The following KDM6A variants were observed in gnomAD, a reference collection of about 807,000 sequenced individuals.
KDM6A encodes lysine demethylase 6A.
Under a neutral mutation model 117.6 loss-of-function variants are expected in KDM6A, and 11 were observed. The ratio of observed to expected loss-of-function variants is 0.09; its 90% confidence interval spans 0.06 to 0.15. The LOEUF is 0.15. KDM6A is among the 10% of genes least tolerant of loss of function. The probability of loss-of-function intolerance (pLI) is 1.00; values close to 1 mark genes in which losing one functional copy is unlikely to be tolerated. For missense variants in KDM6A, 799 were observed against 1,077.3 expected (o/e 0.74, Z 3.62); for synonymous variants, 384 against 396.1 (o/e 0.97, Z 0.36).
At chrX:45,001,154 A>C (rs1327847815) in intron 4 of KDM6A, among the ~76,000 whole-genome samples, 3 of 111,894 alleles carry the variant, frequency 2.7e-5, no homozygotes, top group Non-Finnish European at 5.6e-5. Context: ...GGGATCAAAG[A>C]AACTCATTTT....
At chrX:44,922,207 C>G (rs779251386) in intron 2 of KDM6A, among the ~76,000 whole-genome samples, 1 of 104,454 alleles carries the variant, frequency 9.6e-6, no homozygotes, top group South Asian at 4.6e-4. Flanking sequence ...CCATGCCCGG[C>G]TAATTTTTGT....
At chrX:45,077,228 G>A (rs2045169480) in intron 19 of KDM6A, among the ~76,000 whole-genome samples, 1 of 109,955 alleles carries the variant, frequency 9.1e-6, no homozygotes, top group African/African-American at 3.3e-5. Context: ...ATAAGTGTTT[G>A]AGAACATAAG....
chrX:44,981,699 G>T (rs763221946), intron 4 of KDM6A, among the ~76,000 whole-genome samples: 1 of 111,279 alleles, frequency 9.0e-6, no homozygotes, highest in Admixed American at 9.6e-5. Flanking sequence ...GCTACATAGG[G>T]GGCTGCCTGC....
rs768230128 is a variant in KDM6A at position 45,075,908 on chromosome X, G to A, written c.2859-789G>A. ...TTGCTTTTGAACTTGTAATAATTCG[G>A]TGGGGTAAGTTAGTTAAACTGGAGT... On this transcript the variant is annotated intron_variant, in intron 18 of 29. Coordinates refer to ENST00000611820, the MANE Select transcript of KDM6A (RefSeq NM_001291415.2). Among the ~76,000 whole-genome samples the A allele has an allele frequency of 3.6e-5, 4 of 111,057 alleles. No individual in the cohort carries two copies. In the East Asian group the frequency reaches 1.1e-3, roughly 31 times the overall value.
intron 2 of KDM6A, among the ~76,000 whole-genome samples, chrX:44,921,840 G>T (rs1381549723): frequency 9.3e-6 from 1 of 107,437 alleles, no homozygotes; most frequent in Non-Finnish European, 1.9e-5. Flanking sequence ...GTAATTGCTG[G>T]GTTGTATGGT....
chrX:44,970,589 C>T (rs1028886590), intron 3 of KDM6A, among the ~76,000 whole-genome samples: 1 of 110,666 alleles, frequency 9.0e-6, no homozygotes, highest in Admixed American at 9.6e-5. Context: ...GAAAGTATGC[C>T]CTCCAAATTT....
At chrX:44,953,687 CT>C (rs1365164615) in intron 2 of KDM6A, among the ~76,000 whole-genome samples, 2 of 111,367 alleles carry the variant, frequency 1.8e-5, no homozygotes, top group African/African-American at 6.5e-5. Flanking sequence ...GTATATATGC[CT>C]TTTTGAAGTG....
At chrX:44,973,478 C>T (rs2039461195) in intron 3 of KDM6A, among the ~76,000 whole-genome samples, 1 of 111,691 alleles carries the variant, frequency 9.0e-6, no homozygotes. Context: ...TCAGAAAATA[C>T]CTTTATTCTA....
chrX:44,873,587 CGCT>C lies in KDM6A; in HGVS notation c.39_41del (p.Ala17del). The C allele has an allele frequency of 2.5e-6, 3 of 1,206,658 alleles. No homozygotes were observed. The highest frequency in any genetic ancestry group is 2.2e-6 in the Non-Finnish European group (2 of 893,737). The stretch of plus-strand genomic sequence containing the variant: ...GCGGAGTGTCGCTCGCTACCGCCGC[CGCT>C]GCCGCCGCCGCTTTCGGTGATGAGG... On this transcript the variant is annotated inframe_deletion, in exon 1 of 30. Transcript: ENST00000611820.
intron 5 of KDM6A, among the ~76,000 whole-genome samples, chrX:45,015,651 G>A (rs978838904): frequency 9.0e-6 from 1 of 111,713 alleles, no homozygotes; most frequent in African/African-American, 3.3e-5. Context: ...CCTGGCAAAC[G>A]TTGTATTTTT....
At chrX:44,979,941 T>A (rs1028535998) in intron 4 of KDM6A, among the ~76,000 whole-genome samples, 2 of 111,266 alleles carry the variant, frequency 1.8e-5, no homozygotes, top group African/African-American at 6.5e-5. Flanking sequence ...TTGTTTACTA[T>A]GTTCTTGAAA....
intron 17 of KDM6A, among the ~76,000 whole-genome samples, chrX:45,069,267 G>A (rs2044707584): frequency 9.0e-6 from 1 of 111,610 alleles, no homozygotes; most frequent in Non-Finnish European, 1.9e-5. Context: ...GATGATATAT[G>A]TCTATCCATG....
At chrX:44,963,483 G>GTGTGTGTGTGTGTGTGTCTGTC (rs1481840859) in intron 3 of KDM6A, among the ~76,000 whole-genome samples, 117 of 40,865 alleles carry the variant, frequency 2.9e-3, no homozygotes, top group African/African-American at 8.5e-3. Flanking sequence ...GTGTGTGTGT[G>GTGTGTGTGTGTGTGTGTCTGTC]TGTCTGTCTG....
chrX:45,077,815 A>G (rs2045203455), intron 19 of KDM6A, among the ~76,000 whole-genome samples: 1 of 111,263 alleles, frequency 9.0e-6, no homozygotes, highest in Non-Finnish European at 1.9e-5. Context: ...CATCTTACCC[A>G]TTTCTGAGTG....
intron 7 of KDM6A, among the ~76,000 whole-genome samples, chrX:45,035,846 C>G (rs1443772646): frequency 9.1e-6 from 1 of 109,647 alleles, no homozygotes; most frequent in Non-Finnish European, 1.9e-5. Context: ...ACTACAGGTG[C>G]CTGCCACCAT....
Position 45,026,940 on chromosome X carries a change from A to G in KDM6A, c.564+6210A>G. ...TTTTATCCATGCCTTATGTTTCTAG[A>G]ATATTTGTAATGTTTCTTTATTGAC... On this transcript the variant is annotated intron_variant, in intron 6 of 29. Transcript: ENST00000611820. Among the ~76,000 whole-genome samples the G allele has an allele frequency of 1.8e-5, 2 of 111,804 alleles. 1 individual carries two copies. The highest frequency in any genetic ancestry group is 1.9e-4 in the Admixed American group (2 of 10,476).
rs201502147 is a variant in KDM6A at position 45,093,377 on chromosome X, AAAAAAAAC to A, written c.4034+2517_4034+2524del. Among the ~76,000 whole-genome samples the A allele has an allele frequency of 2.0e-3, 219 of 107,957 alleles. 2 individuals are homozygous for A. Among genetic ancestry groups the A allele is most frequent in the African/African-American group, 7.4e-3 (215 of 29,019 alleles). 93.7% of individuals were successfully genotyped at this position (107,957 alleles called of 115,157 possible). A position where few individuals can be genotyped will look rare whatever the true frequency, so the allele number is the denominator to read the frequency against. ...GTGAAAGAGTGAGACTCTCTCTCAA[AAAAAAAAC>A]AAACAAACAAACAAACAAAAAAAAA... On this transcript the variant is annotated intron_variant, in intron 27 of 29. Transcript: ENST00000611820.
intron 27 of KDM6A, among the ~76,000 whole-genome samples, chrX:45,105,642 A>G (rs1326156603): frequency 8.9e-6 from 1 of 112,020 alleles, no homozygotes; most frequent in African/African-American, 3.2e-5. Context: ...TCTCTTTGCT[A>G]TGATCTAAAT....
intron 2 of KDM6A, among the ~76,000 whole-genome samples, chrX:44,906,338 A>G (rs1358792323): frequency 9.1e-6 from 1 of 110,160 alleles, no homozygotes; most frequent in African/African-American, 3.3e-5. Context: ...TTTAGTAAAA[A>G]TGAGGTCTCA....
Sources: gnomAD v4.1 joint callset for allele counts (sites outside exome capture counted in the v4.1 genomes callset) on GRCh38, gnomAD v4.1.1 for gene constraint, MANE v1.5 for transcripts, NCBI Gene and HGNC (gene_info 2026-07-23, HGNC 2026-07-21) for gene names.